Variants in CELF2 observed in about 807,000 individuals in gnomAD.
The protein encoded by CELF2 is CUGBP Elav-like family member 2.
A neutral mutation model predicts 62.6 loss-of-function variants in CELF2; 8 were observed. The ratio of observed to expected loss-of-function variants is 0.13; its 90% CI spans 0.07 to 0.23. The LOEUF (loss-of-function observed/expected upper bound fraction) is 0.23. Ranked by LOEUF, CELF2 falls within the 10% of genes least tolerant of loss-of-function variation. The pLI is 1.00. For missense variants in CELF2, 333 were observed against 671.0 expected (o/e 0.50, Z 5.56); for synonymous variants, 258 against 250.0 (o/e 1.03, Z -0.30).
intron 1 of CELF2, among the ~76,000 whole-genome samples, chr10:11,109,132 G>A (rs576019990): frequency 1.2e-4 from 18 of 152,232 alleles, no homozygotes; most frequent in African/African-American, 3.9e-4. Context: ...AGATGTTTAC[G>A]GCCCTCAGAA....
chr10:11,189,144 G>C (rs1022088778), intron 2 of CELF2, among the ~76,000 whole-genome samples: 7 of 152,074 alleles, frequency 4.6e-5, no homozygotes, highest in Non-Finnish European at 8.8e-5. Flanking sequence ...GAGTATTTTC[G>C]GTCTGGCTGG....
chr10:10,565,082 G>A, the CELF2 span, among the ~76,000 whole-genome samples: 1 of 152,206 alleles, frequency 6.6e-6, no homozygotes, highest in African/African-American at 2.4e-5. Context: ...CCTGGCTCCA[G>A]AGCCCATGTT....
At chr10:10,513,834 C>T in the CELF2 span, among the ~76,000 whole-genome samples, 1 of 152,202 alleles carries the variant, frequency 6.6e-6, no homozygotes. Flanking sequence ...CTGGTTCCCT[C>T]TCTATGCAAA....
At chr10:10,507,633 T>C in the CELF2 span, among the ~76,000 whole-genome samples, 1 of 152,056 alleles carries the variant, frequency 6.6e-6, no homozygotes, top group Non-Finnish European at 1.5e-5. Context: ...CAAACATGCA[T>C]GGAAAAATTA....
the CELF2 span, among the ~76,000 whole-genome samples, chr10:10,646,210 C>A: frequency 1.3e-5 from 2 of 152,122 alleles, no homozygotes; most frequent in Non-Finnish European, 2.9e-5. Context: ...AGAGTAGAGT[C>A]TGGAATGGGG....
At position 11,268,130 on chromosome 10, in the gene CELF2, T is replaced by C. The variant is rs2082669183; in HGVS notation, c.618+1453T>C. Among the ~76,000 whole-genome samples, 3 of 152,164 alleles carry C rather than the reference T, an allele frequency of 2.0e-5. No homozygotes were observed. The highest frequency in any genetic ancestry group is 6.5e-5 in the Admixed American group (1 of 15,282). On this transcript the variant is annotated intron_variant, in intron 6 of 12. Coordinates refer to ENST00000633077, the MANE Select transcript of CELF2 (RefSeq NM_001326342.2). The surrounding 1 kb of genome is among the most constrained non-coding windows in gnomAD (Gnocchi z 4.7). ...CGTTTTGCTTCCCTCTTTCTCTTAC[T>C]GAGGCCGCTCCATTCCTGTGGATTA...
chr10:11,233,164 A>G (rs1470735980), intron 3 of CELF2, among the ~76,000 whole-genome samples: 1 of 152,224 alleles, frequency 6.6e-6, no homozygotes, highest in Non-Finnish European at 1.5e-5. Flanking sequence ...GATTTTTAAA[A>G]GGGCAGATTG....
intron 1 of CELF2, among the ~76,000 whole-genome samples, chr10:10,915,414 G>C (rs2064239553): frequency 6.6e-6 from 1 of 151,942 alleles, no homozygotes; most frequent in Non-Finnish European, 1.5e-5. Flanking sequence ...CCTTTTTTGT[G>C]GTTGTTTTTG....
At chr10:10,831,994 G>A (rs10795824) in intron 1 of CELF2, among the ~76,000 whole-genome samples, 81,434 of 149,868 alleles carry the variant, frequency 0.54, 22,525 homozygotes, top group East Asian at 0.76. Context: ...AAGGCCGGGC[G>A]CGGTGGCTCA....
chr10:11,326,862 G>A (rs1250157568), intron 12 of CELF2, among the ~76,000 whole-genome samples: 1 of 152,156 alleles, frequency 6.6e-6, no homozygotes, highest in African/African-American at 2.4e-5. Flanking sequence ...CAGGTAGTTA[G>A]GTAAGGGCTG....
At chr10:11,204,255 A>T (rs776685034) in intron 2 of CELF2, among the ~76,000 whole-genome samples, 3 of 152,314 alleles carry the variant, frequency 2.0e-5, no homozygotes, top group South Asian at 2.1e-4. Flanking sequence ...CTGTGTATAC[A>T]TTATTTTACT....
chr10:11,070,068 A>C (rs2140936669), intron 1 of CELF2, among the ~76,000 whole-genome samples: 1 of 152,368 alleles, frequency 6.6e-6, no homozygotes, highest in Admixed American at 6.5e-5. Flanking sequence ...TAATGTTTCC[A>C]ATAATGTTTG....
At chr10:10,490,762 C>T in the CELF2 span, among the ~76,000 whole-genome samples, 51,225 of 151,960 alleles carry the variant, frequency 0.34, 10,001 homozygotes, top group Admixed American at 0.51. Flanking sequence ...GTCTAAACCC[C>T]GCTAAGTAAA....
chr10:11,036,383 T>C (rs367738705), intron 1 of CELF2, among the ~76,000 whole-genome samples: 1 of 152,360 alleles, frequency 6.6e-6, no homozygotes, highest in South Asian at 2.1e-4. Flanking sequence ...TAATCGTTAA[T>C]TACTTTCTTC....
the CELF2 span, among the ~76,000 whole-genome samples, chr10:10,737,956 C>T: frequency 2.0e-5 from 3 of 152,168 alleles, no homozygotes; most frequent in South Asian, 6.2e-4. Flanking sequence ...TGGGTCTCTG[C>T]CTACCGCTGC....
intron 1 of CELF2, among the ~76,000 whole-genome samples, chr10:11,063,760 T>C (rs1401902260): frequency 1.3e-5 from 2 of 152,138 alleles, no homozygotes; most frequent in Non-Finnish European, 2.9e-5. Context: ...GATAGATTGG[T>C]GGTTTTCATT....
intron 1 of CELF2, among the ~76,000 whole-genome samples, chr10:11,068,157 T>G (rs1355819949): frequency 6.6e-6 from 1 of 152,214 alleles, no homozygotes; most frequent in East Asian, 1.9e-4. Flanking sequence ...CATGTCTGAT[T>G]CCAGATGCTG....
chr10:10,826,426 G>A (rs961556363), intron 1 of CELF2, among the ~76,000 whole-genome samples: 15 of 152,166 alleles, frequency 9.9e-5, no homozygotes, highest in African/African-American at 3.6e-4. Flanking sequence ...AGGACATCCA[G>A]TTAAATTTGA....
chr10:11,172,632 G>A (rs1335086265), intron 2 of CELF2, among the ~76,000 whole-genome samples: 1 of 152,198 alleles, frequency 6.6e-6, no homozygotes, highest in African/African-American at 2.4e-5. Context: ...GTCTGCCCTG[G>A]CAGATAATAC....
Sources: allele counts gnomAD v4.1 joint callset (sites outside exome capture counted in the v4.1 genomes callset), GRCh38; gene constraint gnomAD v4.1.1; non-coding constraint Gnocchi (gnomAD v3.1); transcripts MANE v1.5; gene names NCBI Gene and HGNC (gene_info 2026-07-23, HGNC 2026-07-21).